Variants in USP34 observed in about 807,000 individuals in gnomAD.
USP34 encodes ubiquitin carboxyl-terminal hydrolase 34.
Under a neutral mutation model 460.3 loss-of-function variants are expected in USP34, and 70 were observed. The ratio of observed to expected loss-of-function variants is 0.15; its 90% CI spans 0.13 to 0.19. The LOEUF (loss-of-function observed/expected upper bound fraction) is 0.19. Among genes scored for constraint, USP34 ranks in the 10% least tolerant of loss-of-function variants. The pLI is 1.00. For missense variants in USP34, 3,985 were observed against 4,236.2 expected, an observed-to-expected ratio of 0.94 and a Z score of 1.65; for synonymous variants, 1,647 against 1,405.3, an observed-to-expected ratio of 1.17 and a Z score of -3.85.
intron 43 of USP34, among the ~76,000 whole-genome samples, chr2:61,262,132 T>TAG (rs375620506): frequency 1.3e-4 from 14 of 111,532 alleles, no homozygotes; most frequent in African/African-American, 5.5e-4. Flanking sequence ...TATATATATA[T>TAG]AGATAGATAG....
intron 10 of USP34, among the ~76,000 whole-genome samples, chr2:61,368,965 A>G (rs1168425813): frequency 3.9e-5 from 6 of 152,202 alleles, no homozygotes; most frequent in African/African-American, 1.4e-4. Context: ...TGACACATAA[A>G]GAACTCCTAC....
intron 33 of USP34, among the ~76,000 whole-genome samples, chr2:61,292,726 T>C (rs1247738886): frequency 2.0e-5 from 3 of 152,198 alleles, no homozygotes; most frequent in Admixed American, 2.0e-4. Context: ...TTGATAATGC[T>C]AAACTGCTTT....
intron 58 of USP34, 116 bp from the exon 59 acceptor site, chr2:61,229,749 T>G (rs1341260909): frequency 4.9e-6 from 4 of 819,930 alleles, no homozygotes; most frequent in Non-Finnish European, 7.6e-6. Flanking sequence ...AAGATTATCT[T>G]GGTATTCTGG....
Position 61,295,011 on chromosome 2 carries a change from G to A in USP34, c.4399C>T (p.Pro1467Ser). ...ESTGSYSDLY[P>S]DSDDSSEDQV... is the part of the protein sequence containing the mutation. Reference sequence around the variant, plus strand: ...TCTTCACTTGAATCATCTGAATCTGGATAAAGATCACTGTAACTTCCCTAT... The same window carrying A: ...TCTTCACTTGAATCATCTGAATCTGAATAAAGATCACTGTAACTTCCCTAT... Residue 1467 changes from proline to serine, a missense_variant, in exon 32 of 80, where the codon CCA becomes TCA. Coordinates refer to ENST00000398571, the MANE Select transcript of USP34 (RefSeq NM_014709.4). 1.9e-6 allele frequency: 3 copies of A among 1,612,380 alleles called. No homozygotes were observed. The highest frequency in any genetic ancestry group is 2.5e-6 in the Non-Finnish European group (3 of 1,179,458).
At chr2:61,271,768 GC>G (rs2103934475) in intron 41 of USP34, among the ~76,000 whole-genome samples, 1 of 152,256 alleles carries the variant, frequency 6.6e-6, no homozygotes, top group South Asian at 2.1e-4. Context: ...TTATTATGCA[GC>G]TGCAAAGTGT....
chr2:61,399,372 C>A (rs1350419600), intron 3 of USP34, among the ~76,000 whole-genome samples: 1 of 151,526 alleles, frequency 6.6e-6, no homozygotes, highest in Non-Finnish European at 1.5e-5. Context: ...TGAGTTCTAT[C>A]CTGGTATGCA....
chr2:61,315,619 C>A (rs1463931570), intron 23 of USP34, among the ~76,000 whole-genome samples: 4 of 152,032 alleles, frequency 2.6e-5, no homozygotes, highest in Admixed American at 2.6e-4. Context: ...AGCTGATCCA[C>A]CCGCCTCAGC....
intron 3 of USP34, among the ~76,000 whole-genome samples, chr2:61,399,357 A>AG (rs1182453505): frequency 6.6e-6 from 1 of 151,972 alleles, no homozygotes; most frequent in Non-Finnish European, 1.5e-5. Context: ...AAAAAAAAAA[A>AG]AAATTGAGTT....
chr2:61,435,872 A>G (rs1339383843), intron 1 of USP34, among the ~76,000 whole-genome samples: 1 of 151,930 alleles, frequency 6.6e-6, no homozygotes, highest in Non-Finnish European at 1.5e-5. Context: ...CTACTAAAAT[A>G]CAAAAATGAG....
At chr2:61,261,200 G>A (rs1688868553) in intron 43 of USP34, among the ~76,000 whole-genome samples, 2 of 152,174 alleles carry the variant, frequency 1.3e-5, no homozygotes, top group African/African-American at 4.8e-5. Context: ...AAACATGTTT[G>A]TACACCCATG....
intron 58 of USP34, among the ~76,000 whole-genome samples, chr2:61,231,989 T>C (rs1249071044): frequency 3.9e-5 from 6 of 151,976 alleles, no homozygotes. Context: ...AAGTAATATT[T>C]AAATTTCATT....
Position 61,311,953 on chromosome 2 carries a change from A to C in USP34, c.3543-43T>G, listed in dbSNP as rs762256165. Reference sequence around the variant, plus strand: ...CAACACATAGAAAGGATACCATTTTAAACCATTTTAATGTTACGCAAATTT... The same window carrying C: ...CAACACATAGAAAGGATACCATTTTCAACCATTTTAATGTTACGCAAATTT... On this transcript the variant is annotated intron_variant, in intron 25 of 79. Transcript: ENST00000398571. 1.9e-6 allele frequency: 3 copies of C among 1,596,648 alleles called. No individual in the cohort carries two copies. The Admixed American group carries it at 5.2e-5, about 28-fold the overall frequency.
In USP34 at chr2:61,229,597, G is replaced by C; in HGVS notation, c.7150C>G (p.Leu2384Val). Residue 2384 changes from leucine (L) to valine (V), a missense_variant, in exon 59 of 80, where the codon CTG becomes GTG. Physicochemically the swap from Leu to Val is conservative, Grantham distance 32. This residue lies in a region of USP34 where 604 missense variants were observed against 684.8 expected (regional missense o/e 0.88). Coordinates refer to ENST00000398571, the MANE Select transcript of USP34 (RefSeq NM_014709.4). ...TAGAGATGAGCATGCACAGGTCTCA[G>C]CCTCTGAATCACATGGATACACAAA... ...QRLCIHVIQR[L>V]RPVHAHLYLQ... 1 of 1,612,334 alleles carries C rather than the reference G, an allele frequency of 6.2e-7. No individual in the cohort carries two copies. The highest frequency in any genetic ancestry group is 8.5e-7 in the Non-Finnish European group (1 of 1,179,528).
chr2:61,302,346 A>G (rs1208505619), intron 27 of USP34, among the ~76,000 whole-genome samples: 1 of 152,230 alleles, frequency 6.6e-6, no homozygotes, highest in African/African-American at 2.4e-5. Flanking sequence ...TTCACATAAT[A>G]AAAAAGGTTT....
chr2:61,420,596 T>C (rs911115333), intron 2 of USP34, 150 bp downstream of exon 2: 4 of 444,102 alleles, frequency 9.0e-6, no homozygotes, highest in African/African-American at 4.1e-5. Flanking sequence ...ATCGACCTCA[T>C]GAGTAAAGAT....
chr2:61,342,256 G>A (rs1691626711), intron 16 of USP34, among the ~76,000 whole-genome samples: 2 of 148,316 alleles, frequency 1.3e-5, no homozygotes, highest in Admixed American at 6.7e-5. Flanking sequence ...ATATTTACTA[G>A]ATGACAAGAG....
intron 27 of USP34, among the ~76,000 whole-genome samples, chr2:61,304,377 T>G (rs1690336480): frequency 6.6e-6 from 1 of 152,220 alleles, no homozygotes; most frequent in South Asian, 2.1e-4. Flanking sequence ...TGGCCTGTAT[T>G]TGATATGAGA....
At chr2:61,195,383 A>AT (rs1686768768) in intron 75 of USP34, among the ~76,000 whole-genome samples, 1 of 151,344 alleles carries the variant, frequency 6.6e-6, no homozygotes, top group African/African-American at 2.4e-5. Flanking sequence ...AAAAAAAAAA[A>AT]ATCAGCCAGG....
At chr2:61,447,247 T>C (rs112219930) in intron 1 of USP34, among the ~76,000 whole-genome samples, 538 of 92,568 alleles carry the variant, frequency 5.8e-3, no homozygotes, top group Non-Finnish European at 8.3e-3. Flanking sequence ...AGAGTGAAAC[T>C]GTCTTCCAAA....
Sources: allele counts gnomAD v4.1 joint callset (sites outside exome capture counted in the v4.1 genomes callset), GRCh38; gene constraint gnomAD v4.1.1; regional missense constraint gnomAD v4.1.1; transcripts MANE v1.5; gene names NCBI Gene and HGNC (gene_info 2026-07-23, HGNC 2026-07-21).